Variants in MAF observed in about 807,000 individuals in gnomAD.
The protein encoded by MAF is MAF bZIP transcription factor.
A neutral mutation model predicts 22.0 loss-of-function variants in MAF; 10 were observed. That is an observed-to-expected ratio of 0.45 (90% CI 0.28 to 0.77). The LOEUF (loss-of-function observed/expected upper bound fraction) is 0.77, where lower values mean the gene tolerates loss of function less well. MAF is among the 30% of genes least tolerant of loss of function. The pLI is 0.12. For synonymous variants in MAF, 337 were observed against 255.8 expected (o/e 1.32, Z -3.03); for missense variants, 544 against 548.4 (o/e 0.99, Z 0.08).
chr16:79,549,889 A>G, the MAF span, among the ~76,000 whole-genome samples: 14 of 152,322 alleles, frequency 9.2e-5, no homozygotes, highest in Middle Eastern at 3.4e-3. Flanking sequence ...AAGGATGCCT[A>G]AAAATGACTG....
At chr16:79,528,506 C>A in the MAF span, among the ~76,000 whole-genome samples, 3 of 152,188 alleles carry the variant, frequency 2.0e-5, no homozygotes, top group Non-Finnish European at 4.4e-5. Flanking sequence ...ATGGCTCTCT[C>A]TTTACTGAAA....
the MAF span, among the ~76,000 whole-genome samples, chr16:79,572,959 A>C: frequency 6.6e-6 from 1 of 152,240 alleles, no homozygotes; most frequent in South Asian, 2.1e-4. Flanking sequence ...ACAATGGTGT[A>C]TGGAGACTGC....
chr16:79,308,103 A>T, the MAF span, among the ~76,000 whole-genome samples: 4 of 152,194 alleles, frequency 2.6e-5, no homozygotes, highest in African/African-American at 9.6e-5. Flanking sequence ...AGACTGTGTC[A>T]TATCTATGGT....
At chr16:79,540,214 G>A in the MAF span, among the ~76,000 whole-genome samples, 5 of 151,820 alleles carry the variant, frequency 3.3e-5, no homozygotes, top group South Asian at 1.0e-3. Context: ...ACGTGATGAA[G>A]ACTCTGAGAA....
chr16:79,367,554 C>T, the MAF span, among the ~76,000 whole-genome samples: 3 of 152,148 alleles, frequency 2.0e-5, no homozygotes, highest in Non-Finnish European at 4.4e-5. Context: ...TACTAAGTGA[C>T]TCAGGGATAT....
At chr16:79,239,565 A>C in the MAF span, among the ~76,000 whole-genome samples, 28 of 152,000 alleles carry the variant, frequency 1.8e-4, 1 homozygote, top group African/African-American at 6.3e-4. Context: ...ATTAACCATC[A>C]CCTCCACAGG....
chr16:79,566,438 G>C, the MAF span, among the ~76,000 whole-genome samples: 1 of 152,194 alleles, frequency 6.6e-6, no homozygotes, highest in African/African-American at 2.4e-5. Context: ...CAGTGGATCC[G>C]TGCTGAGCTG....
the MAF span, among the ~76,000 whole-genome samples, chr16:79,466,544 C>A: frequency 6.6e-6 from 1 of 152,220 alleles, no homozygotes; most frequent in African/African-American, 2.4e-5. Flanking sequence ...ATCCCGGAGG[C>A]AAACTTTGGA....
At chr16:79,318,792 C>T in the MAF span, among the ~76,000 whole-genome samples, 1 of 152,156 alleles carries the variant, frequency 6.6e-6, no homozygotes, top group Non-Finnish European at 1.5e-5. Context: ...GGGAAAAGAG[C>T]ATCTCAGGAC....
chr16:79,261,271 G>A, the MAF span, among the ~76,000 whole-genome samples: 1 of 152,170 alleles, frequency 6.6e-6, no homozygotes, highest in African/African-American at 2.4e-5. Context: ...TCCCGCTTCA[G>A]CCTCCTGAGT....
the MAF span, among the ~76,000 whole-genome samples, chr16:79,370,253 T>A: frequency 6.6e-6 from 1 of 152,136 alleles, no homozygotes; most frequent in African/African-American, 2.4e-5. Context: ...GTTTTTTGAG[T>A]TATTCTTTGG....
the MAF span, among the ~76,000 whole-genome samples, chr16:79,455,474 T>G: frequency 6.6e-6 from 1 of 152,192 alleles, no homozygotes; most frequent in South Asian, 2.1e-4. Context: ...ATCTCGGGTT[T>G]GGAGATTGAG....
Position 79,598,943 on chromosome 16 carries a change from C to A in MAF, c.960G>T (p.Lys320Asn), listed in dbSNP as rs762044711. The A allele has an allele frequency of 6.2e-7, 1 of 1,613,854 alleles. No homozygotes were observed. The highest frequency in any genetic ancestry group is 1.3e-5 in the African/African-American group (1 of 74,962). Residue 320 changes from lysine to asparagine, a missense_variant, in exon 1 of 2, where the codon AAG (lysine) becomes AAT (asparagine). By Grantham distance (94) the Lys-to-Asn change is moderately conservative. Around this residue, in one of 5 missense-constraint regions of MAF, gnomAD observed 129 missense variants for 113.6 expected, o/e 1.14. Transcript: ENST00000326043. ...VQQRHVLESE[K>N]NQLLQQVDHL... is the part of the protein sequence containing the mutation. ...GGTCGACTTGCTGCAGCAGCTGGTT[C>A]TTCTCCGACTCCAGGACGTGTCTCT...
chr16:79,575,373 C>A, the MAF span, among the ~76,000 whole-genome samples: 1 of 152,174 alleles, frequency 6.6e-6, no homozygotes, highest in African/African-American at 2.4e-5. Flanking sequence ...AGTCAGCTAT[C>A]TTTTCTGACA....
At chr16:79,223,033 C>A in the MAF span, among the ~76,000 whole-genome samples, 9 of 152,184 alleles carry the variant, frequency 5.9e-5, no homozygotes, top group Admixed American at 5.9e-4. Flanking sequence ...TAGACATTTA[C>A]AGAACTCTCC....
the MAF span, among the ~76,000 whole-genome samples, chr16:79,331,415 T>C: frequency 6.6e-6 from 1 of 152,324 alleles, no homozygotes; most frequent in African/African-American, 2.4e-5. Flanking sequence ...TATTTCTTAA[T>C]CTCCTTCACC....
the MAF span, among the ~76,000 whole-genome samples, chr16:79,226,079 C>A: frequency 2.0e-5 from 3 of 152,212 alleles, no homozygotes; most frequent in East Asian, 3.9e-4. Flanking sequence ...CAAATGCACA[C>A]GTATGTTTAT....
chr16:79,374,714 G>A, the MAF span, among the ~76,000 whole-genome samples: 3 of 152,176 alleles, frequency 2.0e-5, no homozygotes, highest in Non-Finnish European at 4.4e-5. Flanking sequence ...GGCTCTCATA[G>A]AGAAATGAGC....
chr16:79,404,815 C>T, the MAF span, among the ~76,000 whole-genome samples: 1 of 152,242 alleles, frequency 6.6e-6, no homozygotes, highest in African/African-American at 2.4e-5. Context: ...TGAGGGGTGG[C>T]AGCTAATGAA....
Sources: gnomAD v4.1 joint callset for allele counts (sites outside exome capture counted in the v4.1 genomes callset) on GRCh38, gnomAD v4.1.1 for gene constraint, gnomAD v4.1.1 regional missense constraint, MANE v1.5 for transcripts, NCBI Gene and HGNC (gene_info 2026-07-23, HGNC 2026-07-21) for gene names.